The following CCDC6 variants were observed in gnomAD, a reference collection of about 807,000 sequenced individuals.
The protein encoded by CCDC6 is coiled-coil domain-containing protein 6.
In CCDC6, 20 loss-of-function variants were observed where a neutral mutation model predicts 56.6. That is an observed-to-expected ratio of 0.35 (90% CI 0.25 to 0.51). The LOEUF (loss-of-function observed/expected upper bound fraction) is 0.51. CCDC6 is among the 20% of genes least tolerant of loss of function. The probability of loss-of-function intolerance (pLI) is 0.95; values close to 1 mark genes in which losing one functional copy is unlikely to be tolerated. For synonymous variants in CCDC6, 241 were observed against 234.4 expected (o/e 1.03, Z -0.26); for missense variants, 367 against 601.1 (o/e 0.61, Z 4.07).
At chr10:59,888,305 G>A in intron 1 of CCDC6, among the ~76,000 whole-genome samples, 1 of 152,248 alleles carries the variant, frequency 6.6e-6, no homozygotes, top group Non-Finnish European at 1.5e-5. Flanking sequence ...GGGAAGGCTG[G>A]CTGCACAGGA....
intron 1 of CCDC6, among the ~76,000 whole-genome samples, chr10:59,871,798 C>T (rs936789646): frequency 4.6e-5 from 7 of 152,082 alleles, no homozygotes; most frequent in Admixed American, 4.6e-4. Context: ...GGGATCCACG[C>T]TGCTTTGAAC....
At chr10:59,872,896 C>T (rs1164774200) in intron 1 of CCDC6, among the ~76,000 whole-genome samples, 2 of 151,996 alleles carry the variant, frequency 1.3e-5, no homozygotes, top group Non-Finnish European at 2.9e-5. Context: ...AAATCTAGCA[C>T]AGGTCCTCGA....
intron 6 of CCDC6, 84 bp downstream of exon 6, chr10:59,806,838 C>T (rs932331385): frequency 4.5e-6 from 6 of 1,342,812 alleles, no homozygotes; most frequent in African/African-American, 2.9e-5. Flanking sequence ...CCCTTATACA[C>T]CTAACAGGAT....
intron 3 of CCDC6, 83 bp from the exon 4 acceptor site, chr10:59,814,838 C>A: frequency 1.1e-6 from 1 of 869,754 alleles, no homozygotes; most frequent in South Asian, 1.4e-5. Flanking sequence ...AATTAGGACC[C>A]CTTTTCTTGG....
chr10:59,818,437 T>C (rs142916093), intron 3 of CCDC6, among the ~76,000 whole-genome samples: 172 of 143,252 alleles, frequency 1.2e-3, no homozygotes, highest in African/African-American at 4.3e-3. Flanking sequence ...CTCAGCCGTG[T>C]GGATTCTCAA....
chr10:59,825,299 G>C (rs2070779089), intron 3 of CCDC6, among the ~76,000 whole-genome samples: 1 of 152,192 alleles, frequency 6.6e-6, no homozygotes, highest in African/African-American at 2.4e-5. Flanking sequence ...AGATCTGATG[G>C]CTTTATCAGG....
chr10:59,812,816 C>T (rs1007913943), intron 4 of CCDC6, 21 bp from the exon 5 acceptor site: 1 of 1,561,716 alleles, frequency 6.4e-7, no homozygotes, highest in Non-Finnish European at 8.7e-7. Flanking sequence ...AAGAAAAATT[C>T]CAACAATGAC....
intron 7 of CCDC6, among the ~76,000 whole-genome samples, chr10:59,802,713 C>A (rs566449980): frequency 6.6e-6 from 1 of 152,190 alleles, no homozygotes; most frequent in Non-Finnish European, 1.5e-5. Flanking sequence ...ACTATGGGAA[C>A]AGGTACAGTG....
intron 3 of CCDC6, among the ~76,000 whole-genome samples, chr10:59,823,414 C>G (rs1026986294): frequency 3.9e-5 from 6 of 152,116 alleles, no homozygotes; most frequent in African/African-American, 1.4e-4. Context: ...ACCTAAGCAG[C>G]CAGCCGGTGC....
chr10:59,818,503 G>GGGGGGT (rs1554883225), intron 3 of CCDC6, among the ~76,000 whole-genome samples: 1 of 139,712 alleles, frequency 7.2e-6, no homozygotes, highest in African/African-American at 2.6e-5. Flanking sequence ...GACGGGGGGG[G>GGGGGGT]GGGAAGCAGA....
Position 59,906,094 on chromosome 10 carries a change from C to T in CCDC6, c.303+28G>A, listed in dbSNP as rs369381290. ...CTCCCGGGGCGGGCGGAGGTCGGCGCTGCGGCGCGTCCCCGGGGGGCACTC... is the reference window on the plus strand; with the variant it reads ...CTCCCGGGGCGGGCGGAGGTCGGCGTTGCGGCGCGTCCCCGGGGGGCACTC... On this transcript the variant is annotated intron_variant, in intron 1 of 8. Transcript: ENST00000263102. The T allele has an allele frequency of 1.8e-4, 285 of 1,544,712 alleles. No individual in the cohort carries two copies. The African/African-American group carries it at 3.5e-3, about 19-fold the overall frequency.
intron 1 of CCDC6, among the ~76,000 whole-genome samples, chr10:59,903,571 G>T (rs929303719): frequency 1.3e-5 from 2 of 152,176 alleles, no homozygotes; most frequent in East Asian, 3.9e-4. Context: ...GAAAAAGAAG[G>T]CCACAATCAC....
intron 3 of CCDC6, among the ~76,000 whole-genome samples, chr10:59,825,133 C>A (rs892702917): frequency 3.3e-5 from 5 of 152,146 alleles, no homozygotes; most frequent in African/African-American, 1.2e-4. Context: ...AGAGAAACAC[C>A]ATTGATATGG....
In CCDC6 at chr10:59,794,559, G is replaced by A; in HGVS notation, c.1144C>T (p.Pro382Ser). The A allele has an allele frequency of 6.2e-7, 1 of 1,614,036 alleles. No individual in the cohort carries two copies. The highest frequency in any genetic ancestry group is 8.5e-7 in the Non-Finnish European group (1 of 1,179,872). Reference protein sequence around the residue: ...YASHTVGFTPPTSLTRAGMSY... With the variant: ...YASHTVGFTPSTSLTRAGMSY... ...ATTCCAGCTCTAGTCAGTGAAGTTG[G>A]TGGCGTGAAACCAACCGTGTGACTT... Residue 382 changes from proline (P) to serine (S), a missense_variant, in exon 8 of 9, where the codon CCA (proline) becomes TCA (serine). Around this residue, in one of 7 missense-constraint regions of CCDC6, gnomAD observed 79 missense variants for 83.9 expected, o/e 0.94. Transcript: ENST00000263102.
intron 2 of CCDC6, among the ~76,000 whole-genome samples, chr10:59,843,460 A>G (rs3999570): frequency 0.51 from 78,232 of 152,120 alleles, 21,896 homozygotes; most frequent in African/African-American, 0.75. Flanking sequence ...ATATGTTTCC[A>G]GTTTCCTGCC....
At chr10:59,822,550 A>G (rs1159019700) in intron 3 of CCDC6, among the ~76,000 whole-genome samples, 1 of 152,210 alleles carries the variant, frequency 6.6e-6, no homozygotes, top group Non-Finnish European at 1.5e-5. Flanking sequence ...GACATCTGTA[A>G]CTGTTGCAAA....
chr10:59,833,613 G>A (rs959280978), intron 2 of CCDC6, among the ~76,000 whole-genome samples: 48 of 117,798 alleles, frequency 4.1e-4, no homozygotes, highest in African/African-American at 1.3e-3. Context: ...ATTAATAATC[G>A]CGCGTTATTT....
intron 3 of CCDC6, among the ~76,000 whole-genome samples, chr10:59,831,683 T>C (rs2070836777): frequency 6.6e-6 from 1 of 152,222 alleles, no homozygotes; most frequent in Non-Finnish European, 1.5e-5. Flanking sequence ...TTAAGGGAAC[T>C]AAAATTTCAG....
chr10:59,832,729 C>T, intron 2 of CCDC6, 76 bp from the exon 3 acceptor site: 1 of 1,500,530 alleles, frequency 6.7e-7, no homozygotes, highest in East Asian at 2.3e-5. Flanking sequence ...CAAAAGGTGA[C>T]TATACAAAGA....
Sources: gnomAD v4.1 joint callset for allele counts (sites outside exome capture counted in the v4.1 genomes callset) on GRCh38, gnomAD v4.1.1 for gene constraint, gnomAD v4.1.1 regional missense constraint, MANE v1.5 for transcripts, NCBI Gene and HGNC (gene_info 2026-07-23, HGNC 2026-07-21) for gene names.